SMARCA4: variants seen among roughly 807,000 people sequenced by gnomAD.
SMARCA4 encodes the protein SWI/SNF-related matrix-associated actin-dependent regulator of chromatin subfamily A member 4.
In SMARCA4, 31 loss-of-function variants were observed where a neutral mutation model predicts 193.9. That is an observed-to-expected ratio of 0.16 (90% CI 0.12 to 0.22). The LOEUF (loss-of-function observed/expected upper bound fraction) is 0.22, where lower values mean the gene tolerates loss of function less well. SMARCA4 is among the 10% of genes least tolerant of loss of function. The pLI is 1.00. For synonymous variants in SMARCA4, 942 were observed against 933.1 expected (o/e 1.01, Z -0.17); for missense variants, 1,148 against 2,296.0 (o/e 0.50, Z 10.22).
intron 30 of SMARCA4, among the ~76,000 whole-genome samples, chr19:11,043,929 T>G (rs2075759813): frequency 6.6e-6 from 1 of 152,092 alleles, no homozygotes. Flanking sequence ...TGAGCCAAGA[T>G]TGCACCACTG....
In SMARCA4 at chr19:10,987,214, T is replaced by C. The variant is rs1190996630; in HGVS notation, c.859+211T>C. 6.6e-6 allele frequency among the ~76,000 whole-genome samples: 1 copy of C among 152,224 alleles called. No individual in the cohort carries two copies. Among genetic ancestry groups the C allele is most frequent in the African/African-American group, 2.4e-5 (1 of 41,462 alleles). Reference sequence around the variant, plus strand: ...ATCCCTCCTCTGACAGCTTGTGGCCTTCACCCAGTCCCTGAGCCCTGTATA... The same window carrying C: ...ATCCCTCCTCTGACAGCTTGTGGCCCTCACCCAGTCCCTGAGCCCTGTATA... On this transcript the variant is annotated intron_variant, in intron 5 of 34. Transcript: ENST00000344626. This position sits in a 1 kb window ranked among gnomAD's most constrained non-coding sequence, Gnocchi z 5.3.
rs948292828 is a variant in SMARCA4 at position 11,024,263 on chromosome 19, G to T, written c.2974-68G>T. The T allele has an allele frequency of 5.6e-6, 6 of 1,070,180 alleles. No homozygotes were observed. In the African/African-American group the frequency reaches 7.7e-5, roughly 14 times the overall value. The allele number at this position is 1,070,180 out of a possible 1,614,324, so 66.3% of individuals were successfully genotyped here. A position where few individuals can be genotyped will look rare whatever the true frequency, so the allele number is the denominator to read the frequency against. Reference sequence around the variant, plus strand: ...GACAGGGCCGAGGGGGTCAGAGCTGGGTTCGGATGGGGGGAGTCAGGCCTC... The same window carrying T: ...GACAGGGCCGAGGGGGTCAGAGCTGTGTTCGGATGGGGGGAGTCAGGCCTC... On this transcript the variant is annotated intron_variant, in intron 20 of 34. Transcript: ENST00000344626.
chr19:10,989,230 T>C (rs2145842734), intron 6 of SMARCA4, 87 bp from the exon 7 acceptor site: 1 of 1,546,466 alleles, frequency 6.5e-7, no homozygotes, highest in Non-Finnish European at 8.9e-7. Context: ...CCTGCCTCTC[T>C]CGAGGGATGG....
intron 19 of SMARCA4, among the ~76,000 whole-genome samples, chr19:11,022,456 C>T (rs996420105): frequency 2.6e-5 from 4 of 152,222 alleles, no homozygotes; most frequent in African/African-American, 9.7e-5. Flanking sequence ...CTGGGTGGCA[C>T]CATCAGCCAG....
chr19:10,976,124 G>A (rs2085106415), intron 1 of SMARCA4, among the ~76,000 whole-genome samples: 2 of 152,160 alleles, frequency 1.3e-5, no homozygotes, highest in Admixed American at 6.5e-5. Context: ...CCTTAGGGAC[G>A]ACCTTTGGCC....
intron 34 of SMARCA4, among the ~76,000 whole-genome samples, chr19:11,061,202 AAAAT>A (rs1237516187): frequency 0.083 from 4,997 of 59,972 alleles, 103 homozygotes; most frequent in Admixed American, 0.14. Context: ...AAAAAAAAAA[AAAAT>A]ATATATATAT....
chr19:11,046,578 C>T (rs958362465), intron 30 of SMARCA4, among the ~76,000 whole-genome samples: 15 of 152,328 alleles, frequency 9.8e-5, no homozygotes, highest in East Asian at 7.7e-4. Flanking sequence ...GCACAGCAGG[C>T]GTGGGTCTGT....
At chr19:11,020,609 G>T (rs542987842) in intron 18 of SMARCA4, 1 of 152,006 alleles carries the variant, frequency 6.6e-6, no homozygotes, top group South Asian at 2.1e-4. Flanking sequence ...TGGAGATGGG[G>T]TCTTGCTGTA....
chr19:10,962,666 C>T (rs905768411), intron 1 of SMARCA4, among the ~76,000 whole-genome samples: 1 of 152,136 alleles, frequency 6.6e-6, no homozygotes, highest in Admixed American at 6.5e-5. Flanking sequence ...CCTCAGCCTC[C>T]TGAGTAGCTG....
At chr19:11,051,935 A>C (rs564065409) in intron 30 of SMARCA4, among the ~76,000 whole-genome samples, 8 of 152,218 alleles carry the variant, frequency 5.3e-5, no homozygotes, top group Non-Finnish European at 1.0e-4. Flanking sequence ...TCTCTACTAA[A>C]AGTACAAAAA....
At position 11,033,995 on chromosome 19, in the gene SMARCA4, G is replaced by A; in HGVS notation, c.3874-128G>A. ...GTGTGTGCCTTTCGCTGCCGTGTGG[G>A]TCCCCATCCACCGCAGCCGTGCCGG... On this transcript the variant is annotated intron_variant, in intron 27 of 34. Transcript: ENST00000344626. The surrounding 1 kb of genome is among the most constrained non-coding windows in gnomAD (Gnocchi z 9.8). The A allele has an allele frequency of 1.3e-6, 1 of 779,224 alleles. No individual in the cohort carries two copies. The highest frequency in any genetic ancestry group is 2.3e-6 in the Non-Finnish European group (1 of 431,356). 48.3% of individuals were successfully genotyped at this position (779,224 alleles called of 1,614,324 possible). A position where few individuals can be genotyped will look rare whatever the true frequency, so the allele number is the denominator to read the frequency against.
At chr19:11,010,290 A>G in intron 14 of SMARCA4, 91 bp from the exon 15 acceptor site, 1 of 1,416,052 alleles carries the variant, frequency 7.1e-7, no homozygotes, top group Non-Finnish European at 9.9e-7. Context: ...TTCAGCAGAA[A>G]GGGCCACTCC....
Position 10,984,125 on chromosome 19 carries a change from A to T in SMARCA4, c.-27A>T, listed in dbSNP as rs1366185853. 1 of 1,613,400 alleles carries T rather than the reference A, an allele frequency of 6.2e-7. No individual in the cohort carries two copies. Among genetic ancestry groups the T allele is most frequent in the South Asian group, 1.1e-5 (1 of 91,058 alleles). ...CTGACCAGGACTGTCTTCCAGCAGG[A>T]GGCCACTGTCTGCAGCTCCCGTGAA... On this transcript the variant is annotated 5_prime_UTR_variant, in exon 2 of 35. Transcript: ENST00000344626. This position sits in a 1 kb window ranked among gnomAD's most constrained non-coding sequence, Gnocchi z 4.3.
intron 13 of SMARCA4, among the ~76,000 whole-genome samples, chr19:11,005,734 T>C (rs1328031478): frequency 6.6e-6 from 1 of 152,208 alleles, no homozygotes; most frequent in Non-Finnish European, 1.5e-5. Flanking sequence ...GAGGTTCATG[T>C]GTCCAGAGCT....
At chr19:10,989,583 C>T (rs1186301932) in intron 7 of SMARCA4, 140 bp downstream of exon 7, 3 of 919,826 alleles carry the variant, frequency 3.3e-6, no homozygotes, top group African/African-American at 3.3e-5. Flanking sequence ...CATGGGCACT[C>T]AATCACTGCA....
Position 11,058,761 on chromosome 19 carries a change from A to G in SMARCA4, c.4534-27A>G. ...GGCAGGCGAGGCGGGGTCCTGAGGTAAGACCTGCTCCTCCCGTCCACTGCA... is the reference window on the plus strand; with the variant it reads ...GGCAGGCGAGGCGGGGTCCTGAGGTGAGACCTGCTCCTCCCGTCCACTGCA... On this transcript the variant is annotated intron_variant, in intron 31 of 34. Transcript: ENST00000344626. This position sits in a 1 kb window ranked among gnomAD's most constrained non-coding sequence, Gnocchi z 5.8. 6.2e-7 allele frequency: 1 copy of G among 1,600,952 alleles called. No individual in the cohort carries two copies. Among genetic ancestry groups the G allele is most frequent in the East Asian group, 2.2e-5 (1 of 44,804 alleles).
At position 10,987,049 on chromosome 19, in the gene SMARCA4, A is replaced by G. The variant is rs781335663; in HGVS notation, c.859+46A>G. On this transcript the variant is annotated intron_variant, in intron 5 of 34. Transcript: ENST00000344626. The surrounding 1 kb of genome is among the most constrained non-coding windows in gnomAD (Gnocchi z 5.3). ...TGGTGCACCCGTGCCCTTACTCCCC[A>G]TCTCAAGCTTGGGTCCTTGAGATGA... is the stretch of plus-strand genomic sequence containing the variant. The G allele has an allele frequency of 2.2e-6, 3 of 1,392,590 alleles. No homozygotes were observed. In the Admixed American group the frequency reaches 5.1e-5, roughly 24 times the overall value. The allele number at this position is 1,392,590 out of a possible 1,614,324, so 86.3% of individuals were successfully genotyped here.
At chr19:11,024,638 A>G (rs981390452) in intron 21 of SMARCA4, among the ~76,000 whole-genome samples, 200 bp downstream of exon 21, 2 of 152,058 alleles carry the variant, frequency 1.3e-5, no homozygotes, top group African/African-American at 4.8e-5. Context: ...TCCTTTGCCT[A>G]TGAAACACTG....
Position 11,041,539 on chromosome 19 carries a change from C to G in SMARCA4, c.4403C>G (p.Ala1468Gly), listed in dbSNP as rs2146822948. The G allele has an allele frequency of 6.2e-7, 1 of 1,613,578 alleles. No individual in the cohort carries two copies. The highest frequency in any genetic ancestry group is 1.3e-5 in the African/African-American group (1 of 75,036). Residue 1468 changes from alanine (A) to glycine (G), a missense_variant, in exon 30 of 35, where the codon GCC becomes GGC. Ala to Gly is a moderately conservative substitution (Grantham distance 60, BLOSUM62 0). Coordinates refer to ENST00000344626, the MANE Select transcript of SMARCA4 (RefSeq NM_003072.5). This position sits in a 1 kb window ranked among gnomAD's most constrained non-coding sequence, Gnocchi z 5.6. The stretch of plus-strand genomic sequence containing the variant: ...AAGAAGATGAAGAAGATTGTGGATG[C>G]CGTGATCAAGTACAAGGACAGGTAA... ...LTKKMKKIVDAVIKYKDSSSG... is the reference protein window; with the variant it reads ...LTKKMKKIVDGVIKYKDSSSG...
Sources: allele counts gnomAD v4.1 joint callset (sites outside exome capture counted in the v4.1 genomes callset), GRCh38; gene constraint gnomAD v4.1.1; non-coding constraint Gnocchi (gnomAD v3.1); transcripts MANE v1.5; gene names NCBI Gene and HGNC (gene_info 2026-07-23, HGNC 2026-07-21).